The following CES5A variants were observed in gnomAD, a reference collection of about 807,000 sequenced individuals.
CES5A encodes the protein carboxylesterase 5A, also known as carboxylesterase 5.
Under a neutral mutation model 62.9 loss-of-function variants are expected in CES5A, and 67 were observed. The observed-to-expected ratio is 1.07, with a 90% CI of 0.88 to 1.31. CES5A has a LOEUF of 1.31. CES5A is among the 50% of genes most tolerant of loss of function. The probability of loss-of-function intolerance (pLI) is 0.00; values close to 1 mark genes in which losing one functional copy is unlikely to be tolerated. For synonymous variants in CES5A, 296 were observed against 280.8 expected (o/e 1.05, Z -0.54); for missense variants, 748 against 708.5 (o/e 1.06, Z -0.63).
chr16:55,917,512 G>A (rs1464540440), intron 1 of CES5A, among the ~76,000 whole-genome samples: 2 of 152,202 alleles, frequency 1.3e-5, no homozygotes, highest in African/African-American at 4.8e-5. Context: ...GTTCCTGGTA[G>A]GTCATTGGAC....
intron 5 of CES5A, among the ~76,000 whole-genome samples, chr16:55,864,777 C>T (rs557108257): frequency 4.6e-5 from 7 of 152,246 alleles, no homozygotes; most frequent in South Asian, 2.1e-4. Context: ...GGCATGGTGG[C>T]GCATGCCTGT....
upstream of CES5A, among the ~76,000 whole-genome samples, chr16:55,880,000 C>T (rs2033744811): frequency 6.6e-6 from 1 of 152,238 alleles, no homozygotes; most frequent in African/African-American, 2.4e-5. Flanking sequence ...TCATTCTCCT[C>T]TTCCTGCCCA....
chr16:55,900,814 A>T (rs894238898), intron 1 of CES5A, among the ~76,000 whole-genome samples: 11 of 152,348 alleles, frequency 7.2e-5, no homozygotes, highest in Admixed American at 4.6e-4. Context: ...TCCTTTTAGT[A>T]TCAGGACACT....
chr16:55,877,627 A>G (rs192663897), upstream of CES5A, among the ~76,000 whole-genome samples: 67 of 152,260 alleles, frequency 4.4e-4, no homozygotes, highest in African/African-American at 1.6e-3. Context: ...CCCCTAATGC[A>G]CAGGACCTAC....
chr16:55,918,471 T>C (rs1567354113), intron 1 of CES5A, among the ~76,000 whole-genome samples: 1 of 152,214 alleles, frequency 6.6e-6, no homozygotes, highest in Admixed American at 6.5e-5. Flanking sequence ...TGTTCTATTC[T>C]TCCCATACCA....
intron 1 of CES5A, among the ~76,000 whole-genome samples, chr16:55,921,726 A>T (rs2142460066): frequency 6.6e-6 from 1 of 151,882 alleles, no homozygotes; most frequent in South Asian, 2.1e-4. Flanking sequence ...AACCCAGGAT[A>T]CTCTAATACT....
chr16:55,869,589 T>C (rs1272602700), intron 4 of CES5A, 22 bp downstream of exon 4: 1 of 1,611,628 alleles, frequency 6.2e-7, no homozygotes, highest in African/African-American at 1.3e-5. Context: ...ATCTGGGATG[T>C]CCATCATTTG....
intron 1 of CES5A, among the ~76,000 whole-genome samples, chr16:55,894,594 C>T (rs993895576): frequency 6.6e-6 from 1 of 151,192 alleles, no homozygotes; most frequent in Non-Finnish European, 1.5e-5. Flanking sequence ...GAGTAGGGAA[C>T]TCCAAGGCCC....
At chr16:55,861,677 A>C (rs2033354684) in intron 6 of CES5A, among the ~76,000 whole-genome samples, 161 bp from the exon 7 acceptor site, 2 of 151,300 alleles carry the variant, frequency 1.3e-5, no homozygotes, top group African/African-American at 4.9e-5. Flanking sequence ...GAAGGTGCAC[A>C]TGGTGGACAG....
intron 1 of CES5A, among the ~76,000 whole-genome samples, chr16:55,952,674 C>T (rs1052176234): frequency 4.6e-5 from 7 of 152,010 alleles, no homozygotes; most frequent in African/African-American, 1.7e-4. Flanking sequence ...TCCTGGGAAA[C>T]AATAAATCAC....
At chr16:55,873,551 T>C (rs1300170037) in intron 2 of CES5A, among the ~76,000 whole-genome samples, 1 of 152,198 alleles carries the variant, frequency 6.6e-6, no homozygotes, top group Non-Finnish European at 1.5e-5. Flanking sequence ...CTAAAAAGCG[T>C]TCAGATAATA....
At chr16:55,867,405 A>T (rs567225534) in intron 4 of CES5A, among the ~76,000 whole-genome samples, 53 of 152,302 alleles carry the variant, frequency 3.5e-4, no homozygotes, top group African/African-American at 1.3e-3. Context: ...AATGCCATAG[A>T]ACCAAAGAAA....
intron 1 of CES5A, among the ~76,000 whole-genome samples, chr16:55,895,285 C>T (rs1304590484): frequency 2.6e-5 from 4 of 152,190 alleles, no homozygotes; most frequent in African/African-American, 9.7e-5. Flanking sequence ...TAAATGTCCA[C>T]AATAACAAAT....
At chr16:55,886,338 T>A (rs551514348) in intron 1 of CES5A, among the ~76,000 whole-genome samples, 1 of 152,306 alleles carries the variant, frequency 6.6e-6, no homozygotes, top group African/African-American at 2.4e-5. Context: ...GGATCCTAAA[T>A]CAGTGACAAA....
upstream of CES5A, among the ~76,000 whole-genome samples, chr16:55,927,018 C>T (rs2142465050): frequency 6.6e-6 from 1 of 152,224 alleles, no homozygotes; most frequent in Non-Finnish European, 1.5e-5. Flanking sequence ...TCCATTGATG[C>T]TGGGAAAACT....
intron 1 of CES5A, among the ~76,000 whole-genome samples, chr16:55,904,080 T>C (rs561978064): frequency 1.3e-5 from 2 of 152,304 alleles, no homozygotes; most frequent in East Asian, 1.9e-4. Context: ...CCCTGCTAAA[T>C]AGGGAAATCA....
chr16:55,949,331 G>T (rs1287790756), intron 2 of CES5A, among the ~76,000 whole-genome samples: 4 of 152,216 alleles, frequency 2.6e-5, no homozygotes, highest in Non-Finnish European at 4.4e-5. Flanking sequence ...GCCTGAGTTG[G>T]GGCAGAAGGC....
At chr16:55,891,785 A>G (rs2033882090) in intron 1 of CES5A, among the ~76,000 whole-genome samples, 1 of 152,134 alleles carries the variant, frequency 6.6e-6, no homozygotes, top group African/African-American at 2.4e-5. Context: ...CACCCTACAA[A>G]CCATAAATTC....
At chr16:55,884,622 C>G (rs576930652) in intron 1 of CES5A, among the ~76,000 whole-genome samples, 1 of 151,968 alleles carries the variant, frequency 6.6e-6, no homozygotes, top group Non-Finnish European at 1.5e-5. Context: ...GACAGGGTCT[C>G]GCTGTGTTGC....
Sources: allele counts gnomAD v4.1 joint callset (sites outside exome capture counted in the v4.1 genomes callset), GRCh38; gene constraint gnomAD v4.1.1; transcripts MANE v1.5; gene names NCBI Gene and HGNC (gene_info 2026-07-23, HGNC 2026-07-21).